ACSL5: variants seen among roughly 807,000 people sequenced by gnomAD.
ACSL5 encodes acyl-CoA synthetase long chain family member 5.
ACSL5 carries 50 observed loss-of-function variants against 84.9 expected under a neutral mutation model. The observed-to-expected ratio is 0.59, with a 90% CI of 0.47 to 0.75. ACSL5 has a LOEUF of 0.75. Among genes scored for constraint, ACSL5 ranks in the 30% least tolerant of loss-of-function variants. The pLI is 0.00. For synonymous variants in ACSL5, 280 were observed against 300.7 expected, an observed-to-expected ratio of 0.93 and a Z score of 0.71; for missense variants, 775 against 830.4, an observed-to-expected ratio of 0.93 and a Z score of 0.82.
chr10:112,397,190 G>T (rs1400850374), intron 2 of ACSL5, among the ~76,000 whole-genome samples: 1 of 145,282 alleles, frequency 6.9e-6, no homozygotes, highest in East Asian at 2.0e-4. Context: ...TTTTTTTAGA[G>T]GAAGTCTCGC....
rs937290901 is a variant in ACSL5, at chr10:112,420,350, A to G, written c.1315-1243A>G. Among the ~76,000 whole-genome samples, 7 of 152,222 alleles carry G rather than the reference A, an allele frequency of 4.6e-5. No homozygotes were observed. In the South Asian group the frequency reaches 6.2e-4, roughly 13 times the overall value. On this transcript the variant is annotated intron_variant, in intron 14 of 20. Transcript: ENST00000354655. ...GGATTGGCAAATTGTAGCACTGGCT[A>G]AAACTAGTCTGCAGCTGGTTTTTAT...
intron 1 of ACSL5, among the ~76,000 whole-genome samples, chr10:112,392,285 AGC>A (rs1843658999): frequency 6.6e-6 from 1 of 151,344 alleles, no homozygotes; most frequent in Non-Finnish European, 1.5e-5. Flanking sequence ...CAGCCTGGGC[AGC>A]ATGGTGAGGC....
intron 14 of ACSL5, among the ~76,000 whole-genome samples, chr10:112,421,015 C>G (rs1041693633): frequency 6.6e-6 from 1 of 152,020 alleles, no homozygotes; most frequent in African/African-American, 2.4e-5. Flanking sequence ...AGCCACCATG[C>G]CTGGCCAAAA....
intron 17 of ACSL5, among the ~76,000 whole-genome samples, chr10:112,423,864 G>T (rs985173006): frequency 6.6e-6 from 1 of 152,070 alleles, no homozygotes; most frequent in Non-Finnish European, 1.5e-5. Context: ...GGCAGCTCAC[G>T]CCTATAATCC....
At chr10:112,425,291 C>A in intron 17 of ACSL5, 47 bp from the exon 18 acceptor site, 1 of 1,537,164 alleles carries the variant, frequency 6.5e-7, no homozygotes, top group Non-Finnish European at 8.8e-7. Flanking sequence ...CCACTGATAT[C>A]ATCTCTGTGG....
At chr10:112,394,793 T>G (rs545664581) in intron 1 of ACSL5, 125 bp from the exon 2 acceptor site, 391 of 1,500,996 alleles carry the variant, frequency 2.6e-4, no homozygotes, top group Non-Finnish European at 3.4e-4. Context: ...TGTTTGAGGG[T>G]TTGAAGGCGT....
At chr10:112,377,649 C>G (rs573205456) in intron 1 of ACSL5, among the ~76,000 whole-genome samples, 1 of 152,320 alleles carries the variant, frequency 6.6e-6, no homozygotes, top group South Asian at 2.1e-4. Context: ...TATGGAGTCA[C>G]TCTGTGGTAG....
In ACSL5 at chr10:112,422,393, G is replaced by C. The variant is rs1416503582; in HGVS notation, c.1545G>C (p.Leu515=). Residue 515 remains leucine (L), a synonymous_variant, in exon 17 of 21, where the codon CTG becomes CTC. Coordinates refer to ENST00000354655, the MANE Select transcript of ACSL5 (RefSeq NM_203379.2). The part of the protein sequence containing the change: ...LKDPEKTQEA[L]DSDGWLHTGD... ...ACCCTGAGAAGACACAGGAAGCCCTGGACAGTGATGGCTGGCTTCACACAG... is the reference window on the plus strand; with the variant it reads ...ACCCTGAGAAGACACAGGAAGCCCTCGACAGTGATGGCTGGCTTCACACAG... 1.2e-6 allele frequency: 2 copies of C among 1,614,066 alleles called. No individual in the cohort carries two copies. Among genetic ancestry groups the C allele is most frequent in the African/African-American group, 2.7e-5 (2 of 74,920 alleles).
At position 112,402,461 on chromosome 10, in the gene ACSL5, C is replaced by T. The variant is rs7477548; in HGVS notation, c.266-2050C>T. ...AGTGATTAATGTTAGTACAAATGATCTCAATGTTAGACCACCCAAGACACA... is the reference window on the plus strand; with the variant it reads ...AGTGATTAATGTTAGTACAAATGATTTCAATGTTAGACCACCCAAGACACA... On this transcript the variant is annotated intron_variant, in intron 3 of 20. Transcript: ENST00000354655. Among the ~76,000 whole-genome samples, 373 of 152,270 alleles carry T rather than the reference C, an allele frequency of 2.4e-3. 1 individual carries two copies. Among genetic ancestry groups the T allele is most frequent in the Admixed American group, 0.018 (280 of 15,288 alleles).
Position 112,411,360 on chromosome 10 carries a change from C to G in ACSL5, c.797-96C>G. The G allele has an allele frequency of 2.9e-6, 3 of 1,030,950 alleles. No individual in the cohort carries two copies. In the East Asian group the frequency reaches 7.1e-5, roughly 24 times the overall value. 63.9% of individuals were successfully genotyped at this position (1,030,950 alleles called of 1,614,324 possible). A position where few individuals can be genotyped will look rare whatever the true frequency, so the allele number is the denominator to read the frequency against. The stretch of plus-strand genomic sequence containing the variant: ...AGTGACAGGAAATGCTCTTGGCCTT[C>G]TGGAATAAAACCAATTGAATCTAGT... On this transcript the variant is annotated intron_variant, in intron 9 of 20. Coordinates refer to ENST00000354655, the MANE Select transcript of ACSL5 (RefSeq NM_203379.2).
intron 7 of ACSL5, chr10:112,410,063 TCA>T: frequency 2.4e-6 from 1 of 416,958 alleles, no homozygotes; most frequent in Non-Finnish European, 3.2e-6. Context: ...ATAAAAATAA[TCA>T]CTACCTCACA....
At chr10:112,375,587 C>T (rs1849220636) in intron 1 of ACSL5, 1 of 152,270 alleles carries the variant, frequency 6.6e-6, no homozygotes. Flanking sequence ...GTCATTTCGG[C>T]TTCCTAATCT....
intron 17 of ACSL5, among the ~76,000 whole-genome samples, 174 bp downstream of exon 17, chr10:112,422,615 T>C (rs1420333386): frequency 3.3e-5 from 5 of 151,974 alleles, no homozygotes; most frequent in African/African-American, 1.2e-4. Flanking sequence ...GAGAAGAACA[T>C]ACAGACTGAG....
At chr10:112,376,248 T>G (rs1317646646) in intron 1 of ACSL5, 1 of 1,592,586 alleles carries the variant, frequency 6.3e-7, no homozygotes, top group African/African-American at 1.3e-5. Context: ...TGACATGGCC[T>G]GACTCGGGAC....
chr10:112,401,877 T>C (rs1281357973), intron 3 of ACSL5, among the ~76,000 whole-genome samples: 2 of 151,430 alleles, frequency 1.3e-5, no homozygotes, highest in Non-Finnish European at 2.9e-5. Context: ...TCTTTTTCTT[T>C]CTTTCCTTCT....
At chr10:112,383,334 G>A (rs1024179784) in intron 1 of ACSL5, among the ~76,000 whole-genome samples, 2 of 152,118 alleles carry the variant, frequency 1.3e-5, no homozygotes, top group Admixed American at 6.5e-5. Flanking sequence ...ATAAAATAAG[G>A]CCCTTCCCAT....
At position 112,422,352 on chromosome 10, in the gene ACSL5, A is replaced by G. The variant is rs1476439090; in HGVS notation, c.1504A>G (p.Lys502Glu). ...EVCIKGTNVF[K>E]GYLKDPEKTQ... ...CTGCATCAAGGGTACAAACGTGTTC[A>G]AAGGATACCTGAAGGACCCTGAGAA... Residue 502 changes from lysine to glutamate, a missense_variant, in exon 17 of 21, where the codon AAA becomes GAA. Physicochemically the swap from Lys to Glu is moderately conservative, Grantham distance 56 (BLOSUM62 1). Coordinates refer to ENST00000354655, the MANE Select transcript of ACSL5 (RefSeq NM_203379.2). 1 of 1,614,190 alleles carries G rather than the reference A, an allele frequency of 6.2e-7. No individual in the cohort carries two copies. Among genetic ancestry groups the G allele is most frequent in the Admixed American group, 1.7e-5 (1 of 60,026 alleles).
intron 3 of ACSL5, among the ~76,000 whole-genome samples, 174 bp downstream of exon 3, chr10:112,399,183 A>G (rs1362592306): frequency 6.6e-6 from 1 of 152,190 alleles, no homozygotes; most frequent in African/African-American, 2.4e-5. Context: ...GGGCGTTGGA[A>G]CCAGTGTCAG....
chr10:112,408,305 A>AC (rs971194083), intron 5 of ACSL5, 117 bp from the exon 6 acceptor site: 10 of 699,558 alleles, frequency 1.4e-5, no homozygotes, highest in Non-Finnish European at 2.5e-5. Flanking sequence ...TCTCAAAAAA[A>AC]AAAAAAAAAG....
Sources: gnomAD v4.1 joint callset for allele counts (sites outside exome capture counted in the v4.1 genomes callset) on GRCh38, gnomAD v4.1.1 for gene constraint, MANE v1.5 for transcripts, NCBI Gene and HGNC (gene_info 2026-07-23, HGNC 2026-07-21) for gene names.